The following GUSB variants were observed in gnomAD, a reference collection of about 807,000 sequenced individuals.
GUSB encodes beta-glucuronidase.
GUSB carries 51 observed loss-of-function variants against 74.6 expected under a neutral mutation model. That is an observed-to-expected ratio of 0.68 (90% CI 0.55 to 0.86). The LOEUF is 0.86. Ranked by LOEUF, GUSB falls within the 40% of genes least tolerant of loss-of-function variation. GUSB has a pLI of 0.00. For synonymous variants in GUSB, 360 were observed against 348.3 expected, an observed-to-expected ratio of 1.03 and a Z score of -0.37; for missense variants, 736 against 853.7, an observed-to-expected ratio of 0.86 and a Z score of 1.72.
rs145910162 is a variant in GUSB at position 65,960,947 on chromosome 7, G to A, written c.1906C>T (p.Pro636Ser). 1.3e-5 allele frequency: 21 copies of A among 1,613,778 alleles called. No homozygotes were observed. Among genetic ancestry groups the A allele is most frequent in the Middle Eastern group, 1.6e-4 (1 of 6,084 alleles). ...YWKIANETRY[P>S]HSVAKSQCLE... ...CATTGTGACTTGGCTACTGAGTGGG[G>A]ATACCTGGTTTCATTGGCAATCTTC... The change falls in exon 12 of 12, where the codon CCC becomes TCC. Residue 636 changes from proline to serine, a missense_variant. Coordinates refer to ENST00000304895, the MANE Select transcript of GUSB (RefSeq NM_000181.4).
intron 10 of GUSB, among the ~76,000 whole-genome samples, chr7:65,964,706 T>C (rs1790721081): frequency 6.6e-6 from 1 of 152,150 alleles, no homozygotes; most frequent in Admixed American, 6.5e-5. Flanking sequence ...AATTTGACAT[T>C]CGTTTCACAT....
chr7:65,970,014 C>T (rs1362117680), intron 9 of GUSB, among the ~76,000 whole-genome samples: 1 of 152,102 alleles, frequency 6.6e-6, no homozygotes. Flanking sequence ...TCTGTGAAAA[C>T]AGACTGGCTG....
rs1048020478 is a variant in GUSB at position 65,976,021 on chromosome 7, T to A, written c.906A>T (p.Ser302=). 1 of 1,613,522 alleles carries A rather than the reference T, an allele frequency of 6.2e-7. No individual in the cohort carries two copies. The highest frequency in any genetic ancestry group is 1.7e-5 in the Admixed American group (1 of 60,000). Reference sequence around the variant, plus strand: ...TGTCCCAAACCACCATTACCTCCAATGAATACAGATAGGCAGGGCGTTCGT... The same window carrying A: ...TGTCCCAAACCACCATTACCTCCAAAGAATACAGATAGGCAGGGCGTTCGT... ...LMHERPAYLY[S]LEVQLTAQTS... The change falls in exon 5 of 12, where the codon TCA becomes TCT. Residue 302 remains serine, a synonymous_variant. Coordinates refer to ENST00000304895, the MANE Select transcript of GUSB (RefSeq NM_000181.4).
intron 6 of GUSB, 48 bp from the exon 7 acceptor site, chr7:65,974,752 C>A (rs768667339): frequency 5.0e-6 from 8 of 1,603,780 alleles, no homozygotes; most frequent in African/African-American, 1.3e-5. Flanking sequence ...CGAAGCTGCA[C>A]TTCCTCTGAG....
intron 11 of GUSB, among the ~76,000 whole-genome samples, chr7:65,961,877 C>CT (rs2115810457): frequency 1.3e-5 from 2 of 152,172 alleles, no homozygotes; most frequent in Admixed American, 1.3e-4. Context: ...TGGTGGGTGC[C>CT]TGTGGTCCCA....
In GUSB at chr7:65,960,897, T is replaced by C. The variant is rs1182299906; in HGVS notation, c.1956A>G (p.Ter652TrpextTer70). 1 of 1,613,576 alleles carries C rather than the reference T, an allele frequency of 6.2e-7. No homozygotes were observed. ...SQCLENSLFT[*>W] ...GACACGCAGGTGGTATCAGTCTTGCTCAAGTAAACAGGCTGTTTTCCAAAC... is the reference window on the plus strand; with the variant it reads ...GACACGCAGGTGGTATCAGTCTTGCCCAAGTAAACAGGCTGTTTTCCAAAC... Residue 652 changes from the stop codon to tryptophan (W), a stop_lost, in exon 12 of 12, where the codon TGA (stop) becomes TGG (tryptophan). Coordinates refer to ENST00000304895, the MANE Select transcript of GUSB (RefSeq NM_000181.4).
chr7:65,970,851 T>G (rs1791157767), intron 8 of GUSB, among the ~76,000 whole-genome samples: 2 of 151,588 alleles, frequency 1.3e-5, no homozygotes. Context: ...ATCATGCCAC[T>G]GCACTCCAGC....
chr7:65,979,422 G>T lies in GUSB; in HGVS notation c.701C>A (p.Thr234Asn), dbSNP rs1469827211. Residue 234 changes from threonine (T) to asparagine (N), a missense_variant, in exon 4 of 12, where the codon ACC (threonine) becomes AAC (asparagine). Thr to Asn is a moderately conservative substitution (Grantham distance 65). Transcript: ENST00000304895. ...PTTYIDDITV[T>N]TSVEQDSGLV... ...ACCACTGTCTTGCTCCACGCTGGTG[G>T]TGACGGTGATGTCATCGATGTAGGT... 1.2e-6 allele frequency: 2 copies of T among 1,613,716 alleles called. No homozygotes were observed. Among genetic ancestry groups the T allele is most frequent in the Non-Finnish European group, 1.7e-6 (2 of 1,179,820 alleles).
At chr7:65,961,117 A>G in intron 11 of GUSB, 54 bp from the exon 12 acceptor site, 1 of 1,518,000 alleles carries the variant, frequency 6.6e-7, no homozygotes, top group Non-Finnish European at 9.1e-7. Flanking sequence ...TGATGGGTCA[A>G]GTTAGAACCA....
Position 65,976,083 on chromosome 7 carries a change from C to A in GUSB, c.844G>T (p.Val282Leu). 1 of 1,613,960 alleles carries A rather than the reference C, an allele frequency of 6.2e-7. No homozygotes were observed. The highest frequency in any genetic ancestry group is 2.2e-5 in the East Asian group (1 of 44,890). The change falls in exon 5 of 12, where the codon GTG becomes TTG. Residue 282 changes from valine (V) to leucine (L), a missense_variant. Val to Leu is a conservative substitution (Grantham distance 32, BLOSUM62 1). Transcript: ENST00000304895. ...NGTGTQGQLK[V>L]PGVSLWWPYL... ...GGCCACCAGAGGCTGACACCTGGCA[C>A]CTTAAGTTGGCCCTGGGTCCCAGTC...
chr7:65,976,177 G>A lies in GUSB; in HGVS notation c.750C>T (p.Val250=), dbSNP rs1410334004. The A allele has an allele frequency of 5.0e-6, 8 of 1,613,140 alleles. No individual in the cohort carries two copies. The highest frequency in any genetic ancestry group is 6.8e-6 in the Non-Finnish European group (8 of 1,179,654). Residue 250 remains valine, a synonymous_variant, in exon 5 of 12, where the codon GTC becomes GTT. Transcript: ENST00000304895. The stretch of plus-strand genomic sequence containing the variant: ...CCAACTTGAACAGGTTACTGCCCTT[G>A]ACAGAGATCTGGTAATTCACCAGCC... ...DSGLVNYQIS[V]KGSNLFKLEV...
chr7:65,976,885 G>A (rs1199778453), intron 4 of GUSB, among the ~76,000 whole-genome samples: 4 of 151,926 alleles, frequency 2.6e-5, no homozygotes, highest in Admixed American at 2.0e-4. Flanking sequence ...GGGCTGCAGT[G>A]AGCTATGATC....
At chr7:65,972,131 C>T (rs1387749149) in intron 8 of GUSB, among the ~76,000 whole-genome samples, 1 of 152,094 alleles carries the variant, frequency 6.6e-6, no homozygotes, top group Non-Finnish European at 1.5e-5. Context: ...CTCCTGGCAC[C>T]TGCCCGAGGC....
chr7:65,974,322 TG>T lies in GUSB; in HGVS notation c.1363del (p.His455ThrfsTer2). 1.9e-6 allele frequency: 3 copies of T among 1,613,914 alleles called. No homozygotes were observed. Among genetic ancestry groups the T allele is most frequent in the African/African-American group, 1.3e-5 (1 of 74,988 alleles). ...CAAGTAGTAGCCAGCAGATTCTAGG[TG>T]GGACGCAGGCTCGTTGGCCACAGAC... ...MWSVANEPAS[H>X]LESAGYYLKM... On this transcript the variant is annotated frameshift_variant, in exon 8 of 12. Coordinates refer to ENST00000304895, the MANE Select transcript of GUSB (RefSeq NM_000181.4). LOFTEE classifies it high-confidence loss of function.
In GUSB at chr7:65,976,021, T is replaced by C. The variant is rs1048020478; in HGVS notation, c.906A>G (p.Ser302=). 3 of 1,613,404 alleles carry C rather than the reference T, an allele frequency of 1.9e-6. No homozygotes were observed. Among genetic ancestry groups the C allele is most frequent in the Non-Finnish European group, 2.5e-6 (3 of 1,179,934 alleles). The stretch of plus-strand genomic sequence containing the variant: ...TGTCCCAAACCACCATTACCTCCAA[T>C]GAATACAGATAGGCAGGGCGTTCGT... The part of the protein sequence containing the change: ...LMHERPAYLY[S]LEVQLTAQTS... The change falls in exon 5 of 12, where the codon TCA becomes TCG. Residue 302 remains serine, a synonymous_variant. Coordinates refer to ENST00000304895, the MANE Select transcript of GUSB (RefSeq NM_000181.4).
At chr7:65,964,226 T>A in intron 11 of GUSB, 97 bp downstream of exon 11, 1 of 1,102,332 alleles carries the variant, frequency 9.1e-7, no homozygotes, top group Non-Finnish European at 1.4e-6. Context: ...CCCAACTTTG[T>A]TTCCAATATT....
chr7:65,960,856 G>A lies in GUSB; in HGVS notation c.*41C>T, dbSNP rs765012426. 9 of 1,571,746 alleles carry A rather than the reference G, an allele frequency of 5.7e-6. No homozygotes were observed. The highest frequency in any genetic ancestry group is 7.9e-6 in the Non-Finnish European group (9 of 1,141,686). ...GTTCTGCTGCTGTGGAAGTCGCCCT[G>A]ACTCGGGGAGGAAGGGACACGCAGG... is the stretch of plus-strand genomic sequence containing the variant. On this transcript the variant is annotated 3_prime_UTR_variant, in exon 12 of 12. Transcript: ENST00000304895.
Position 65,974,430 on chromosome 7 carries a change from T to C in GUSB, c.1256A>G (p.Asn419Ser), listed in dbSNP as rs771376085. The change falls in exon 8 of 12, where the codon AAC becomes AGC. Residue 419 changes from asparagine to serine, a missense_variant. Asn to Ser is a conservative substitution (Grantham distance 46). This residue lies in a region of GUSB where 368 missense variants were observed against 489.9 expected (regional missense o/e 0.75). Transcript: ENST00000304895. Reference sequence around the variant, plus strand: ...CATGTGGTGATGCAGAGAAACGTTGTTGAAGAACTGCCTGCGGGCCAGGAG... The same window carrying C: ...CATGTGGTGATGCAGAGAAACGTTGCTGAAGAACTGCCTGCGGGCCAGGAG... ...GVGLALPQFF[N>S]NVSLHHHMQV... 5.0e-6 allele frequency: 8 copies of C among 1,614,208 alleles called. No individual in the cohort carries two copies. Among genetic ancestry groups the C allele is most frequent in the South Asian group, 1.1e-5 (1 of 91,084 alleles).
chr7:65,977,842 G>A (rs902051594), intron 4 of GUSB, among the ~76,000 whole-genome samples: 8 of 151,624 alleles, frequency 5.3e-5, no homozygotes, highest in South Asian at 2.1e-4. Context: ...ATGGAGTCTC[G>A]CTCTGTCCCC....
Sources: gnomAD v4.1 joint callset for allele counts (sites outside exome capture counted in the v4.1 genomes callset) on GRCh38, gnomAD v4.1.1 for gene constraint, gnomAD v4.1.1 regional missense constraint, MANE v1.5 for transcripts, NCBI Gene and HGNC (gene_info 2026-07-23, HGNC 2026-07-21) for gene names.